Variants in UBN2 observed in about 807,000 individuals in gnomAD.
The protein encoded by UBN2 is ubinuclein-2.
A neutral mutation model predicts 120.2 loss-of-function variants in UBN2; 35 were observed. The ratio of observed to expected loss-of-function variants is 0.29; its 90% confidence interval spans 0.22 to 0.39. The LOEUF (loss-of-function observed/expected upper bound fraction) is 0.39. Ranked by LOEUF, UBN2 falls within the 10% of genes least tolerant of loss-of-function variation. The pLI, the probability that UBN2 is intolerant of heterozygous loss-of-function variation, is 1.00. For synonymous variants in UBN2, 661 were observed against 648.7 expected (o/e 1.02, Z -0.29); for missense variants, 1,693 against 1,663.2 (o/e 1.02, Z -0.31).
chr7:139,279,563 G>C (rs1408300077), intron 13 of UBN2, among the ~76,000 whole-genome samples: 1 of 152,164 alleles, frequency 6.6e-6, no homozygotes, highest in Non-Finnish European at 1.5e-5. Flanking sequence ...TACACCAATT[G>C]TGAAGCTTAA....
At position 139,297,924 on chromosome 7, in the gene UBN2, G is replaced by C. The variant is rs1360349250; in HGVS notation, c.*88G>C. 8 of 1,401,264 alleles carry C rather than the reference G, an allele frequency of 5.7e-6. No homozygotes were observed. Among genetic ancestry groups the C allele is most frequent in the Non-Finnish European group, 8.1e-6 (8 of 991,804 alleles). 86.8% of individuals were successfully genotyped at this position (1,401,264 alleles called of 1,614,324 possible). Reference sequence around the variant, plus strand: ...GTACTTATGTGGTCATAGGGCTGCTGTTTCTGTCGATGTTTACATTCTCTC... The same window carrying C: ...GTACTTATGTGGTCATAGGGCTGCTCTTTCTGTCGATGTTTACATTCTCTC... On this transcript the variant is annotated 3_prime_UTR_variant, in exon 18 of 18. Transcript: ENST00000473989.
chr7:139,249,773 T>TTGGCTCAC (rs906288227), intron 2 of UBN2, among the ~76,000 whole-genome samples: 10 of 152,076 alleles, frequency 6.6e-5, no homozygotes, highest in Admixed American at 2.0e-4. Context: ...TGGCATGAAC[T>TTGGCTCAC]TGGCTCACTG....
intron 3 of UBN2, among the ~76,000 whole-genome samples, chr7:139,258,075 TG>T: frequency 6.6e-6 from 1 of 152,356 alleles, no homozygotes; most frequent in South Asian, 2.1e-4. Context: ...CAGCCAGTTT[TG>T]TTATTCTTTA....
intron 2 of UBN2, among the ~76,000 whole-genome samples, chr7:139,242,004 C>T (rs116899080): frequency 0.047 from 7,128 of 151,868 alleles, 266 homozygotes; most frequent in Non-Finnish European, 0.073. Flanking sequence ...GCTCCCCCCC[C>T]CAAAAAAAGT....
chr7:139,313,801 G>A, the UBN2 span, among the ~76,000 whole-genome samples: 1 of 151,630 alleles, frequency 6.6e-6, no homozygotes, highest in Non-Finnish European at 1.5e-5. Flanking sequence ...CGCTGAATTA[G>A]ATCAAGTGCT....
intron 7 of UBN2, among the ~76,000 whole-genome samples, chr7:139,269,104 G>A (rs1324638685): frequency 6.6e-6 from 1 of 152,120 alleles, no homozygotes. Flanking sequence ...GGCTACCTGG[G>A]AGGCTGAGGT....
rs760313627 is a variant in UBN2 at position 139,261,526 on chromosome 7, C to G, written c.1180C>G (p.Gln394Glu). The G allele has an allele frequency of 3.7e-6, 6 of 1,614,190 alleles. No homozygotes were observed. In the East Asian group the frequency reaches 8.9e-5, roughly 24 times the overall value. The change falls in exon 6 of 18, where the codon CAG becomes GAG. Residue 394 changes from glutamine (Q) to glutamate (E), a missense_variant. Gln to Glu is a conservative substitution (Grantham distance 29). This residue lies in a region of UBN2 where 663 missense variants were observed against 591.2 expected (regional missense o/e 1.12). Transcript: ENST00000473989. Reference protein sequence around the residue: ...FVSTNEHELFQEAENALEMLD... With the variant: ...FVSTNEHELFEEAENALEMLD... ...TAGCACAAATGAACATGAGCTGTTT[C>G]AGGAAGCTGAAAATGCCCTAGAGAT...
intron 16 of UBN2, chr7:139,293,666 C>T: frequency 1.6e-6 from 1 of 635,294 alleles, no homozygotes; most frequent in Non-Finnish European, 2.7e-6. Flanking sequence ...GCTATCTATA[C>T]CACATTTCCA....
At chr7:139,319,842 C>T in the UBN2 span, among the ~76,000 whole-genome samples, 4 of 151,748 alleles carry the variant, frequency 2.6e-5, no homozygotes, top group South Asian at 2.1e-4. Context: ...TTTGGGAGGC[C>T]GAGGTGGGCG....
At chr7:139,254,013 G>T (rs374515360) in intron 3 of UBN2, among the ~76,000 whole-genome samples, 5 of 152,164 alleles carry the variant, frequency 3.3e-5, no homozygotes, top group African/African-American at 9.7e-5. Flanking sequence ...TGCTGTCACG[G>T]CCGGGTGCGG....
At chr7:139,239,904 GC>G (rs1035369842) in intron 2 of UBN2, among the ~76,000 whole-genome samples, 33 of 152,076 alleles carry the variant, frequency 2.2e-4, no homozygotes, top group Non-Finnish European at 4.7e-4. Context: ...TTTTAGAATT[GC>G]CCTTTGCAAA....
chr7:139,314,674 CAG>C, the UBN2 span, among the ~76,000 whole-genome samples: 3 of 151,814 alleles, frequency 2.0e-5, no homozygotes, highest in African/African-American at 7.3e-5. Flanking sequence ...TTAGTAGAGA[CAG>C]GGTCTCACCA....
intron 13 of UBN2, among the ~76,000 whole-genome samples, chr7:139,281,467 T>C (rs1797606663): frequency 6.6e-6 from 1 of 152,204 alleles, no homozygotes; most frequent in Non-Finnish European, 1.5e-5. Context: ...CCTTCCCTTC[T>C]TCTGAAACTC....
Position 139,258,602 on chromosome 7 carries a change from A to G in UBN2, c.778A>G (p.Asn260Asp). 6.2e-7 allele frequency: 1 copy of G among 1,602,074 alleles called. No individual in the cohort carries two copies. Among genetic ancestry groups the G allele is most frequent in the Non-Finnish European group, 8.5e-7 (1 of 1,172,990 alleles). ...TACTGAAGAAGATGATATTACAGAC[A>G]ACCAAAAGCACAAGCCACCCAAGGT... Reference protein sequence around the residue: ...SDTEEDDITDNQKHKPPKVPK... With the variant: ...SDTEEDDITDDQKHKPPKVPK... The change falls in exon 4 of 18, where the codon AAC becomes GAC. Residue 260 changes from asparagine (N) to aspartate (D), a missense_variant. Around this residue, in one of 5 missense-constraint regions of UBN2, gnomAD observed 663 missense variants for 591.2 expected, o/e 1.12. Coordinates refer to ENST00000473989, the MANE Select transcript of UBN2 (RefSeq NM_173569.4).
At chr7:139,327,602 T>G in the UBN2 span, among the ~76,000 whole-genome samples, 1 of 152,282 alleles carries the variant, frequency 6.6e-6, no homozygotes, top group East Asian at 1.9e-4. Context: ...ACAATATTAA[T>G]GCACTCTGCC....
the UBN2 span, among the ~76,000 whole-genome samples, chr7:139,316,098 A>AG: frequency 1.4e-5 from 2 of 140,022 alleles, 1 homozygote; most frequent in East Asian, 3.9e-4. Context: ...AAAAAAAAAA[A>AG]AAAAAAAAAG....
the UBN2 span, among the ~76,000 whole-genome samples, chr7:139,314,792 AATTG>A: frequency 1.3e-5 from 2 of 148,564 alleles, no homozygotes; most frequent in Non-Finnish European, 3.0e-5. Flanking sequence ...GCCAATTTTT[AATTG>A]ATTGTAACCT....
the UBN2 span, among the ~76,000 whole-genome samples, chr7:139,325,341 T>C: frequency 5.3e-5 from 8 of 150,152 alleles, no homozygotes; most frequent in South Asian, 4.2e-4. Context: ...GATCTTGGCT[T>C]ACTGCAACCT....
In UBN2 at chr7:139,283,419, G is replaced by C. The variant is rs964034075; in HGVS notation, c.2514G>C (p.Gly838=). The C allele has an allele frequency of 5.0e-6, 8 of 1,613,860 alleles. No homozygotes were observed. The highest frequency in any genetic ancestry group is 6.8e-6 in the Non-Finnish European group (8 of 1,180,008). ...CAAGTCTTATTGCTGGTCACACAGG[G>C]CCAGTACCAAAGAAACCCCAGGATT... is the stretch of plus-strand genomic sequence containing the variant. ...HSSSLIAGHT[G]PVPKKPQDLA... is the part of the protein sequence containing the mutation. The change falls in exon 15 of 18, where the codon GGG becomes GGC. Residue 838 remains glycine, a synonymous_variant. Transcript: ENST00000473989.
Sources: gnomAD v4.1 joint callset for allele counts (sites outside exome capture counted in the v4.1 genomes callset) on GRCh38, gnomAD v4.1.1 for gene constraint, gnomAD v4.1.1 regional missense constraint, MANE v1.5 for transcripts, NCBI Gene and HGNC (gene_info 2026-07-23, HGNC 2026-07-21) for gene names.